Variants in SYT1 observed in about 807,000 individuals in gnomAD.
SYT1 encodes synaptotagmin 1, also known as synaptotagmin-1.
Under a neutral mutation model 44.8 loss-of-function variants are expected in SYT1, and 8 were observed. The observed-to-expected ratio is 0.18, with a 90% CI of 0.10 to 0.32. The LOEUF (loss-of-function observed/expected upper bound fraction) is 0.32, where lower values mean the gene tolerates loss of function less well. Ranked by LOEUF, SYT1 falls within the 10% of genes least tolerant of loss-of-function variation. The pLI is 1.00. For missense variants in SYT1, 286 were observed against 509.3 expected (o/e 0.56, Z 4.22); for synonymous variants, 154 against 188.8 (o/e 0.82, Z 1.51).
intron 3 of SYT1, among the ~76,000 whole-genome samples, chr12:79,198,243 T>A (rs1019310903): frequency 6.6e-6 from 1 of 152,136 alleles, no homozygotes; most frequent in Admixed American, 6.6e-5. Flanking sequence ...CTTTAGCTAA[T>A]GAATAAGTAA....
intron 8 of SYT1, among the ~76,000 whole-genome samples, chr12:79,313,236 C>T (rs1465697221): frequency 6.6e-6 from 1 of 152,182 alleles, no homozygotes; most frequent in Non-Finnish European, 1.5e-5. Context: ...CATAGGTTCC[C>T]TCCCAGTCCC....
chr12:79,206,444 C>T (rs766951503), intron 3 of SYT1, among the ~76,000 whole-genome samples: 48 of 151,998 alleles, frequency 3.2e-4, no homozygotes, highest in Non-Finnish European at 6.2e-4. Context: ...GTACGTTGAG[C>T]AAATAACAAC....
At chr12:78,963,117 G>T (rs1879598920) in intron 1 of SYT1, among the ~76,000 whole-genome samples, 1 of 151,870 alleles carries the variant, frequency 6.6e-6, no homozygotes, top group African/African-American at 2.4e-5. Flanking sequence ...TGTCATTCAT[G>T]TCGCTGTATA....
intron 3 of SYT1, among the ~76,000 whole-genome samples, chr12:79,079,404 A>G (rs1280600182): frequency 2.6e-5 from 4 of 152,178 alleles, no homozygotes; most frequent in Non-Finnish European, 4.4e-5. Context: ...AAGAAGATTG[A>G]CATGTATTTG....
intron 2 of SYT1, among the ~76,000 whole-genome samples, chr12:78,986,195 TGTGCATAAAGCTGACC>T (rs1182131189): frequency 1.3e-5 from 2 of 152,074 alleles, no homozygotes; most frequent in African/African-American, 2.4e-5. Flanking sequence ...AGATGATTTA[TGTGCATAAAGCTGACC>T]TTATAAAAAT....
At chr12:79,155,385 T>C (rs141961811) in intron 3 of SYT1, among the ~76,000 whole-genome samples, 1,780 of 152,302 alleles carry the variant, frequency 0.012, 16 homozygotes, top group Admixed American at 0.021. Flanking sequence ...AGGCAGGGAC[T>C]CCCTAGGATC....
intron 1 of SYT1, among the ~76,000 whole-genome samples, chr12:78,916,941 A>C (rs1199967000): frequency 6.6e-6 from 1 of 151,954 alleles, no homozygotes; most frequent in African/African-American, 2.4e-5. Context: ...AAGCATTTAC[A>C]ATTGTCCCTG....
At chr12:79,430,891 G>C (rs1202531103) in intron 9 of SYT1, among the ~76,000 whole-genome samples, 1 of 152,214 alleles carries the variant, frequency 6.6e-6, no homozygotes, top group Non-Finnish European at 1.5e-5. Flanking sequence ...CCCACCATGT[G>C]CCAGGCTCTG....
intron 9 of SYT1, among the ~76,000 whole-genome samples, chr12:79,361,584 T>TA (rs531077471): frequency 9.2e-5 from 14 of 152,322 alleles, no homozygotes; most frequent in Middle Eastern, 3.4e-3. Flanking sequence ...GTTCTTCAGC[T>TA]ACTTAGACAG....
chr12:78,919,572 A>C (rs1292151785), intron 1 of SYT1, among the ~76,000 whole-genome samples: 1 of 152,064 alleles, frequency 6.6e-6, no homozygotes, highest in Admixed American at 6.6e-5. Flanking sequence ...TATGCAGTAT[A>C]TATTACCACC....
At chr12:78,963,298 C>A (rs1374196384) in intron 1 of SYT1, among the ~76,000 whole-genome samples, 1 of 151,806 alleles carries the variant, frequency 6.6e-6, no homozygotes, top group African/African-American at 2.4e-5. Context: ...AAATTACGGG[C>A]AACAAAAGCA....
At chr12:79,341,244 G>A (rs1429552587) in intron 8 of SYT1, 1 of 152,024 alleles carries the variant, frequency 6.6e-6, no homozygotes, top group Non-Finnish European at 1.5e-5. Flanking sequence ...AATTATTTCA[G>A]GCTAGGCTAC....
intron 9 of SYT1, among the ~76,000 whole-genome samples, chr12:79,411,333 G>T (rs1040657160): frequency 6.6e-6 from 1 of 152,158 alleles, no homozygotes; most frequent in African/African-American, 2.4e-5. Context: ...CATCTCGATG[G>T]TCATGAATCT....
intron 4 of SYT1, among the ~76,000 whole-genome samples, chr12:79,253,560 C>T (rs964214862): frequency 6.8e-6 from 1 of 146,610 alleles, no homozygotes. Flanking sequence ...TGAGACACAA[C>T]AATATTGAAA....
chr12:79,427,682 T>C (rs895507209), intron 9 of SYT1, among the ~76,000 whole-genome samples: 1 of 152,134 alleles, frequency 6.6e-6, no homozygotes, highest in African/African-American at 2.4e-5. Flanking sequence ...GAGCTGAGCT[T>C]AATTGAAGAG....
intron 2 of SYT1, among the ~76,000 whole-genome samples, chr12:79,003,201 C>G (rs1298702603): frequency 6.6e-6 from 1 of 151,932 alleles, no homozygotes; most frequent in Admixed American, 6.6e-5. Flanking sequence ...AATTGTAGTG[C>G]CTTTGATCCA....
At chr12:79,251,338 A>G (rs1168988143) in intron 4 of SYT1, among the ~76,000 whole-genome samples, 1 of 151,610 alleles carries the variant, frequency 6.6e-6, no homozygotes, top group Admixed American at 6.6e-5. Flanking sequence ...CCTGGAGGGA[A>G]AAAAAAAATC....
intron 8 of SYT1, among the ~76,000 whole-genome samples, chr12:79,311,236 A>G (rs1251146071): frequency 6.6e-6 from 1 of 152,238 alleles, no homozygotes; most frequent in Non-Finnish European, 1.5e-5. Context: ...TCAAAAGAAG[A>G]CATTTATGCA....
intron 4 of SYT1, among the ~76,000 whole-genome samples, chr12:79,258,557 G>T (rs1419986070): frequency 2.6e-5 from 4 of 152,186 alleles, no homozygotes; most frequent in Non-Finnish European, 5.9e-5. Context: ...TGACTCTAAA[G>T]CATGAAAGTT....
Sources: gnomAD v4.1 joint callset for allele counts (sites outside exome capture counted in the v4.1 genomes callset) on GRCh38, gnomAD v4.1.1 for gene constraint, MANE v1.5 for transcripts, NCBI Gene and HGNC (gene_info 2026-07-23, HGNC 2026-07-21) for gene names.